Variants in CNST observed in about 807,000 individuals in gnomAD.
CNST encodes consortin.
In CNST, 39 loss-of-function variants were observed where a neutral mutation model predicts 72.4. The observed-to-expected ratio is 0.54, with a 90% confidence interval of 0.42 to 0.70. The LOEUF (loss-of-function observed/expected upper bound fraction) is 0.70. Among genes scored for constraint, CNST ranks in the 30% least tolerant of loss-of-function variants. The pLI, the probability that CNST is intolerant of heterozygous loss-of-function variation, is 0.00. For synonymous variants in CNST, 332 were observed against 320.1 expected (o/e 1.04, Z -0.40); for missense variants, 871 against 868.5 (o/e 1.00, Z -0.04).
intron 1 of CNST, among the ~76,000 whole-genome samples, chr1:246,586,111 ATGTGTG>A (rs113258007): frequency 5.8e-5 from 6 of 102,696 alleles, no homozygotes; most frequent in Middle Eastern, 4.8e-3. Flanking sequence ...ATATATATAT[ATGTGTG>A]TGTGTGTGTG....
At chr1:246,573,932 G>A (rs1490215143) in intron 1 of CNST, among the ~76,000 whole-genome samples, 1 of 152,198 alleles carries the variant, frequency 6.6e-6, no homozygotes, top group African/African-American at 2.4e-5. Flanking sequence ...TCCATGGAAA[G>A]CTGACAGGTC....
At chr1:246,628,170 C>T (rs955309637) in intron 3 of CNST, among the ~76,000 whole-genome samples, 2 of 152,010 alleles carry the variant, frequency 1.3e-5, no homozygotes, top group African/African-American at 4.8e-5. Context: ...AGATGGTGTC[C>T]ACCAGTTTAA....
intron 3 of CNST, among the ~76,000 whole-genome samples, chr1:246,622,279 C>T (rs1197038777): frequency 1.3e-5 from 2 of 152,108 alleles, no homozygotes; most frequent in African/African-American, 2.4e-5. Context: ...AGAATATGCC[C>T]GTAAGAGAGC....
At chr1:246,651,440 G>A (rs115146317) in intron 9 of CNST, among the ~76,000 whole-genome samples, 164 of 152,204 alleles carry the variant, frequency 1.1e-3, no homozygotes, top group African/African-American at 3.7e-3. Flanking sequence ...TTGTCTGTCT[G>A]CTTTCATTTT....
At chr1:246,649,690 T>A (rs1473331075) in intron 9 of CNST, among the ~76,000 whole-genome samples, 1 of 152,028 alleles carries the variant, frequency 6.6e-6, no homozygotes, top group Non-Finnish European at 1.5e-5. Context: ...TTTGACTAGT[T>A]ACACACTGAT....
At chr1:246,571,352 G>A (rs1277391336) in intron 1 of CNST, among the ~76,000 whole-genome samples, 1 of 152,186 alleles carries the variant, frequency 6.6e-6, no homozygotes, top group Non-Finnish European at 1.5e-5. Context: ...GTTTCACTAT[G>A]TTGGCCAGGC....
intron 10 of CNST, among the ~76,000 whole-genome samples, chr1:246,665,346 A>G (rs1463743274): frequency 6.6e-6 from 1 of 152,242 alleles, no homozygotes; most frequent in African/African-American, 2.4e-5. Context: ...CACTTCAGCC[A>G]GGGTGACAAA....
At chr1:246,573,814 G>C (rs1660211594) in intron 1 of CNST, among the ~76,000 whole-genome samples, 1 of 152,138 alleles carries the variant, frequency 6.6e-6, no homozygotes, top group East Asian at 1.9e-4. Context: ...ACTTTGTATA[G>C]CCTTTGCTGG....
chr1:246,605,701 CCGGGGTAG>C (rs1662703028), intron 2 of CNST, among the ~76,000 whole-genome samples: 2 of 143,422 alleles, frequency 1.4e-5, no homozygotes, highest in African/African-American at 2.5e-5. Context: ...TGTCTTCCGG[CCGGGGTAG>C]GTGTCTTCCG....
At chr1:246,662,043 C>T (rs1445353386) in intron 10 of CNST, among the ~76,000 whole-genome samples, 1 of 152,214 alleles carries the variant, frequency 6.6e-6, no homozygotes, top group African/African-American at 2.4e-5. Flanking sequence ...TAAACTAAGT[C>T]ACTTACTTGT....
chr1:246,658,943 A>G (rs1666914151), intron 9 of CNST, among the ~76,000 whole-genome samples: 1 of 152,056 alleles, frequency 6.6e-6, no homozygotes, highest in Non-Finnish European at 1.5e-5. Context: ...TGCACCTTGG[A>G]GTCTGTTAGC....
chr1:246,569,287 T>G (rs1326543230), intron 1 of CNST, among the ~76,000 whole-genome samples: 1 of 152,220 alleles, frequency 6.6e-6, no homozygotes, highest in African/African-American at 2.4e-5. Flanking sequence ...ATGAGATATT[T>G]TACATTATTT....
chr1:246,649,030 C>G (rs1282915481), intron 9 of CNST, among the ~76,000 whole-genome samples: 1 of 152,188 alleles, frequency 6.6e-6, no homozygotes, highest in African/African-American at 2.4e-5. Context: ...TAAACAATGA[C>G]TTTTCTTTTT....
intron 1 of CNST, among the ~76,000 whole-genome samples, chr1:246,590,339 G>A (rs953129590): frequency 6.6e-6 from 1 of 152,166 alleles, no homozygotes; most frequent in African/African-American, 2.4e-5. Context: ...GTTTAGGTCA[G>A]GGGTTAATAT....
chr1:246,587,100 A>G (rs1216203599), intron 1 of CNST, among the ~76,000 whole-genome samples: 2 of 152,218 alleles, frequency 1.3e-5, no homozygotes, highest in South Asian at 4.1e-4. Context: ...ATATATATGT[A>G]ATAAACTTAA....
chr1:246,600,138 G>A (rs1209302211), intron 2 of CNST, among the ~76,000 whole-genome samples: 1 of 152,194 alleles, frequency 6.6e-6, no homozygotes, highest in African/African-American at 2.4e-5. Flanking sequence ...AGAGATGGCA[G>A]GCGTACCATG....
chr1:246,642,132 G>GTTTT lies in CNST; in HGVS notation c.937+95_937+96insTTTT, dbSNP rs1491252940. On this transcript the variant is annotated intron_variant, in intron 8 of 10. Transcript: ENST00000366513. The stretch of plus-strand genomic sequence containing the variant: ...ACATCTGAATTGCTGCAAAGGATCT[G>GTTTT]GTTTTTTTTTTTTTTTTTTTTTGCA... 189 of 198,248 alleles carry GTTTT rather than the reference G, an allele frequency of 9.5e-4. 8 individuals carry two copies. Among genetic ancestry groups the GTTTT allele is most frequent in the African/African-American group, 2.3e-3 (44 of 18,812 alleles). The allele number at this position is 198,248 out of a possible 1,614,324, so 12.3% of individuals were successfully genotyped here.
intron 1 of CNST, among the ~76,000 whole-genome samples, chr1:246,569,516 T>C (rs948229488): frequency 1.3e-5 from 2 of 152,172 alleles, no homozygotes; most frequent in Non-Finnish European, 2.9e-5. Context: ...TACTGCGGTA[T>C]TTAATTTGAG....
chr1:246,587,128 A>T (rs901780967), intron 1 of CNST, among the ~76,000 whole-genome samples: 22 of 152,210 alleles, frequency 1.4e-4, no homozygotes, highest in African/African-American at 5.3e-4. Context: ...ATACTTAGTA[A>T]ATCTTCAATA....
Sources: allele counts gnomAD v4.1 joint callset (sites outside exome capture counted in the v4.1 genomes callset), GRCh38; gene constraint gnomAD v4.1.1; transcripts MANE v1.5; gene names NCBI Gene and HGNC (gene_info 2026-07-23, HGNC 2026-07-21).